Variants in STAB2 observed in about 807,000 individuals in gnomAD.
STAB2 encodes stabilin-2.
A neutral mutation model predicts 338.1 loss-of-function variants in STAB2; 288 were observed. The observed-to-expected ratio is 0.85, with a 90% confidence interval of 0.77 to 0.94. The LOEUF (loss-of-function observed/expected upper bound fraction) is 0.94. Ranked by LOEUF, STAB2 falls within the 40% of genes least tolerant of loss-of-function variation. The pLI, the probability that STAB2 is intolerant of heterozygous loss-of-function variation, is 0.00. For missense variants in STAB2, 3,141 were observed against 3,210.1 expected, an observed-to-expected ratio of 0.98 and a Z score of 0.52; for synonymous variants, 1,202 against 1,193.3, an observed-to-expected ratio of 1.01 and a Z score of -0.15.
rs1041746049 is a variant in STAB2 at position 103,654,450 on chromosome 12, A to G, written c.1408-105A>G. 66 of 1,242,420 alleles carry G rather than the reference A, an allele frequency of 5.3e-5. 1 individual carries two copies. Among genetic ancestry groups the G allele is most frequent in the Non-Finnish European group, 7.1e-5 (65 of 919,428 alleles). The allele number at this position is 1,242,420 out of a possible 1,614,324, so 77.0% of individuals were successfully genotyped here. ...GTGACTTATCCAAAATCACATTGCC[A>G]ATAAATATCAAAGCCCAAGGACTCA... On this transcript the variant is annotated intron_variant, in intron 12 of 68. Transcript: ENST00000388887.
chr12:103,683,956 C>T (rs1877165514), intron 26 of STAB2, among the ~76,000 whole-genome samples: 1 of 152,036 alleles, frequency 6.6e-6, no homozygotes, highest in Admixed American at 6.6e-5. Context: ...CTGGGAGGAC[C>T]CCCAGGGTAG....
chr12:103,631,555 A>AG (rs1957462604), intron 5 of STAB2, 43 bp from the exon 6 acceptor site: 1 of 1,562,904 alleles, frequency 6.4e-7, no homozygotes, highest in Admixed American at 1.7e-5. Context: ...GTTTAGCAAC[A>AG]GTCTATGTCA....
chr12:103,746,497 A>G, intron 57 of STAB2, 100 bp from the exon 58 acceptor site: 1 of 1,097,920 alleles, frequency 9.1e-7, no homozygotes, highest in Non-Finnish European at 1.4e-6. Context: ...GCACTTATGA[A>G]CACAGTGGTC....
intron 3 of STAB2, among the ~76,000 whole-genome samples, chr12:103,596,670 T>G (rs915502822): frequency 3.9e-5 from 6 of 152,280 alleles, no homozygotes; most frequent in East Asian, 1.9e-4. Flanking sequence ...CTCTGAACCC[T>G]TTTTTAACAG....
chr12:103,609,853 A>T (rs921661357), intron 3 of STAB2, among the ~76,000 whole-genome samples: 8 of 152,188 alleles, frequency 5.3e-5, no homozygotes, highest in African/African-American at 1.9e-4. Flanking sequence ...TTATTTTGAG[A>T]TACGTCCCAT....
chr12:103,695,756 C>G lies in STAB2; in HGVS notation c.3494C>G (p.Ala1165Gly), dbSNP rs1376371237. ...GYIIQYNLAN[A>G]IEAADAYTVF... is the part of the protein sequence containing the mutation. Reference sequence around the variant, plus strand: ...TCGCAGCAATATAATCTGGCGAATGCAATTGAGGCTGCCGATGCCTACACA... The same window carrying G: ...TCGCAGCAATATAATCTGGCGAATGGAATTGAGGCTGCCGATGCCTACACA... Residue 1165 changes from alanine to glycine, a missense_variant, in exon 33 of 69, where the codon GCA becomes GGA. Physicochemically the swap from Ala to Gly is moderately conservative, Grantham distance 60. Coordinates refer to ENST00000388887, the MANE Select transcript of STAB2 (RefSeq NM_017564.10). 3.1e-6 allele frequency: 5 copies of G among 1,613,976 alleles called. No individual in the cohort carries two copies. Among genetic ancestry groups the G allele is most frequent in the African/African-American group, 1.3e-5 (1 of 74,950 alleles).
chr12:103,758,047 G>A (rs563082771), intron 63 of STAB2, 123 bp from the exon 64 acceptor site: 2 of 1,403,864 alleles, frequency 1.4e-6, no homozygotes, highest in South Asian at 1.3e-5. Context: ...CAAAGGAGCA[G>A]CAGGCTGAGT....
Position 103,755,416 on chromosome 12 carries a change from C to A in STAB2, c.6829C>A (p.Pro2277Thr), listed in dbSNP as rs758595818. 2.5e-6 allele frequency: 4 copies of A among 1,614,026 alleles called. No individual in the cohort carries two copies. The highest frequency in any genetic ancestry group is 3.4e-6 in the Non-Finnish European group (4 of 1,180,042). Residue 2277 changes from proline (P) to threonine (T), a missense_variant, in exon 62 of 69, where the codon CCT becomes ACT. Physicochemically the swap from Pro to Thr is conservative, Grantham distance 38 (BLOSUM62 -1). Transcript: ENST00000388887. ...SGVVGIVDYG[P>T]RPNKSEMWDV... ...TGTGGTTGGGATAGTGGACTATGGA[C>A]CTAGACCCAACAAGAGTGAAATGTG...
chr12:103,696,186 T>C (rs950717539), intron 33 of STAB2, among the ~76,000 whole-genome samples: 15 of 152,122 alleles, frequency 9.9e-5, no homozygotes, highest in African/African-American at 3.6e-4. Flanking sequence ...TATAGAACCA[T>C]CACTCTGGTT....
chr12:103,758,525 A>C (rs576523072), intron 64 of STAB2, among the ~76,000 whole-genome samples: 1 of 152,216 alleles, frequency 6.6e-6, no homozygotes, highest in Non-Finnish European at 1.5e-5. Context: ...ATCGTCCAAC[A>C]GGCTAGCCCA....
At chr12:103,674,187 T>C (rs1876114845) in intron 23 of STAB2, 100 bp downstream of exon 23, 1 of 1,358,632 alleles carries the variant, frequency 7.4e-7, no homozygotes, top group African/African-American at 1.4e-5. Flanking sequence ...AGCCAACCCA[T>C]ATCTGAACTC....
chr12:103,727,056 C>T (rs1290250418), intron 46 of STAB2, among the ~76,000 whole-genome samples: 3 of 152,150 alleles, frequency 2.0e-5, no homozygotes, highest in Admixed American at 2.0e-4. Flanking sequence ...ATCTTTAATA[C>T]AATAAACGTG....
At chr12:103,694,353 C>T (rs564914938) in intron 31 of STAB2, among the ~76,000 whole-genome samples, 2 of 152,218 alleles carry the variant, frequency 1.3e-5, no homozygotes, top group Non-Finnish European at 2.9e-5. Flanking sequence ...TGCCAAATCC[C>T]GTCTAATCAC....
intron 3 of STAB2, among the ~76,000 whole-genome samples, chr12:103,596,462 C>A (rs1956877319): frequency 6.6e-6 from 1 of 152,182 alleles, no homozygotes; most frequent in Non-Finnish European, 1.5e-5. Flanking sequence ...TCCTTATTCT[C>A]CTCATCTGTC....
At chr12:103,631,231 A>T (rs1957456627) in intron 5 of STAB2, among the ~76,000 whole-genome samples, 1 of 152,224 alleles carries the variant, frequency 6.6e-6, no homozygotes, top group African/African-American at 2.4e-5. Context: ...TGACTGAGTT[A>T]GTAGTAGCTT....
chr12:103,754,589 G>A (rs974747072), intron 61 of STAB2, among the ~76,000 whole-genome samples: 1 of 152,098 alleles, frequency 6.6e-6, no homozygotes, highest in Non-Finnish European at 1.5e-5. Context: ...TAATGGTGGT[G>A]GTGATGATGG....
At chr12:103,615,894 A>T (rs1464371430) in intron 3 of STAB2, among the ~76,000 whole-genome samples, 1 of 152,278 alleles carries the variant, frequency 6.6e-6, no homozygotes, top group East Asian at 1.9e-4. Flanking sequence ...CCCATGATCC[A>T]ATTACCTCCA....
chr12:103,757,708 C>T (rs189120202), intron 63 of STAB2, among the ~76,000 whole-genome samples: 30 of 152,312 alleles, frequency 2.0e-4, no homozygotes, highest in Admixed American at 2.0e-3. Flanking sequence ...AGGAGCGTGC[C>T]AGGCAAGTCT....
chr12:103,668,846 T>C (rs1875433535), intron 20 of STAB2, 117 bp downstream of exon 20: 1 of 842,874 alleles, frequency 1.2e-6, no homozygotes, highest in African/African-American at 1.7e-5. Flanking sequence ...GCTGTTGTCT[T>C]CCTGCAGAGG....
Sources: gnomAD v4.1 joint callset for allele counts (sites outside exome capture counted in the v4.1 genomes callset) on GRCh38, gnomAD v4.1.1 for gene constraint, MANE v1.5 for transcripts, NCBI Gene and HGNC (gene_info 2026-07-23, HGNC 2026-07-21) for gene names.